RELCH: variants seen among roughly 807,000 people sequenced by gnomAD.
RELCH encodes the protein RAB11-binding protein RELCH.
A neutral mutation model predicts 150.3 loss-of-function variants in RELCH; 41 were observed. The ratio of observed to expected loss-of-function variants is 0.27; its 90% CI spans 0.21 to 0.35. The LOEUF (loss-of-function observed/expected upper bound fraction) is 0.35. Among genes scored for constraint, RELCH ranks in the 10% least tolerant of loss-of-function variants. The probability of loss-of-function intolerance (pLI) is 1.00; values close to 1 mark genes in which losing one functional copy is unlikely to be tolerated. For missense variants in RELCH, 1,092 were observed against 1,467.8 expected (o/e 0.74, Z 4.18); for synonymous variants, 478 against 531.8 (o/e 0.90, Z 1.39).
Position 62,231,256 on chromosome 18 carries a change from G to C in RELCH, c.1511G>C (p.Arg504Pro). 1 of 1,601,596 alleles carries C rather than the reference G, an allele frequency of 6.2e-7. No individual in the cohort carries two copies. The highest frequency in any genetic ancestry group is 8.5e-7 in the Non-Finnish European group (1 of 1,170,064). Reference sequence around the variant, plus strand: ...TTTTGTCGAATGTCAGCAGATAGTCGTTTAGGATACGAGGTAAATTATACC... The same window carrying C: ...TTTTGTCGAATGTCAGCAGATAGTCCTTTAGGATACGAGGTAAATTATACC... Reference protein sequence around the residue: ...LSFCRMSADSRLGYEVSRIAD... With the variant: ...LSFCRMSADSPLGYEVSRIAD... The change falls in exon 9 of 29, where the codon CGT becomes CCT. Residue 504 changes from arginine (R) to proline (P), a missense_variant. This residue lies in a region of RELCH where 707 missense variants were observed against 1,025.4 expected (regional missense o/e 0.69). Transcript: ENST00000644646.
intron 1 of RELCH, among the ~76,000 whole-genome samples, chr18:62,195,978 G>A (rs578039133): frequency 6.6e-6 from 1 of 152,146 alleles, no homozygotes; most frequent in African/African-American, 2.4e-5. Context: ...TTACAGGCGT[G>A]AGCCACCAAG....
At chr18:62,301,740 C>A (rs1180950488) in intron 28 of RELCH, among the ~76,000 whole-genome samples, 1 of 152,088 alleles carries the variant, frequency 6.6e-6, no homozygotes, top group East Asian at 1.9e-4. Context: ...GAACCAGACT[C>A]TAGTGAATAG....
At chr18:62,229,645 A>G (rs1406699150) in intron 8 of RELCH, among the ~76,000 whole-genome samples, 3 of 152,064 alleles carry the variant, frequency 2.0e-5, no homozygotes. Context: ...GTATAATAAA[A>G]TAAGTCCAAC....
At chr18:62,188,114 G>C in intron 1 of RELCH, 83 bp downstream of exon 1, 1 of 1,401,864 alleles carries the variant, frequency 7.1e-7, no homozygotes, top group South Asian at 1.5e-5. Flanking sequence ...GTATTTCTGC[G>C]TGGGTCCCGA....
At chr18:62,279,718 C>A in intron 22 of RELCH, 56 bp from the exon 23 acceptor site, 1 of 1,162,906 alleles carries the variant, frequency 8.6e-7, no homozygotes, top group Non-Finnish European at 1.2e-6. Flanking sequence ...CCGTGGCGCA[C>A]TGTGTTTGCT....
At position 62,275,437 on chromosome 18, in the gene RELCH, A is replaced by C; in HGVS notation, c.2931A>C (p.Ser977=). The change falls in exon 22 of 29, where the codon TCA becomes TCC. Residue 977 remains serine, a synonymous_variant. Coordinates refer to ENST00000644646, the MANE Select transcript of RELCH (RefSeq NM_001346231.2). The stretch of plus-strand genomic sequence containing the variant: ...TGTGGTATGGTGTTGTCCATACTTC[A>C]GCACTCGTGAGGTGTACTGCTGCTA... ...TVLWYGVVHT[S]ALVRCTAARM... 1 of 1,607,526 alleles carries C rather than the reference A, an allele frequency of 6.2e-7. No individual in the cohort carries two copies. Among genetic ancestry groups the C allele is most frequent in the Non-Finnish European group, 8.5e-7 (1 of 1,176,958 alleles).
Position 62,261,623 on chromosome 18 carries a change from A to G in RELCH, c.2315A>G (p.Lys772Arg). The change falls in exon 16 of 29, where the codon AAA (lysine) becomes AGA (arginine). Residue 772 changes from lysine (K) to arginine (R), a missense_variant. By Grantham distance (26) the Lys-to-Arg change is conservative. Transcript: ENST00000644646. The stretch of plus-strand genomic sequence containing the variant: ...CTACAGAATGCACCTTTCTCCAGCA[A>G]AGCCAAGCTTCATGGTGAAGTGCCA... ...LVLQNAPFSSKAKLHGEVPQI... is the reference protein window; with the variant it reads ...LVLQNAPFSSRAKLHGEVPQI... 1 of 1,611,474 alleles carries G rather than the reference A, an allele frequency of 6.2e-7. No homozygotes were observed.
chr18:62,246,107 A>G (rs1600059175), intron 11 of RELCH: 2 of 152,304 alleles, frequency 1.3e-5, no homozygotes, highest in Admixed American at 1.3e-4. Flanking sequence ...ATATGTTCTC[A>G]GTGATATTTT....
At chr18:62,191,158 C>A (rs775273516) in intron 1 of RELCH, among the ~76,000 whole-genome samples, 1 of 152,096 alleles carries the variant, frequency 6.6e-6, no homozygotes, top group African/African-American at 2.4e-5. Context: ...CTCCCATTTA[C>A]GTCTTTATGA....
At chr18:62,247,363 A>G (rs548262819) in intron 11 of RELCH, 5 of 152,326 alleles carry the variant, frequency 3.3e-5, no homozygotes, top group Non-Finnish European at 5.9e-5. Context: ...ATTCCTGGCT[A>G]TTATAAACAG....
chr18:62,284,504 G>A (rs2044690584), intron 25 of RELCH: 1 of 152,080 alleles, frequency 6.6e-6, no homozygotes, highest in African/African-American at 2.4e-5. Context: ...ATAAAAATTA[G>A]CCTTTTTTTC....
intron 27 of RELCH, among the ~76,000 whole-genome samples, chr18:62,294,722 A>G (rs1028923508): frequency 6.6e-6 from 1 of 152,146 alleles, no homozygotes; most frequent in Non-Finnish European, 1.5e-5. Context: ...ATTATTTCCT[A>G]TACTTCTGAA....
intron 26 of RELCH, among the ~76,000 whole-genome samples, chr18:62,290,916 C>T (rs762561832): frequency 2.6e-5 from 4 of 151,906 alleles, no homozygotes; most frequent in African/African-American, 7.3e-5. Flanking sequence ...TTTCTTTTAC[C>T]GGTCTTTTGA....
intron 25 of RELCH, among the ~76,000 whole-genome samples, chr18:62,283,678 T>C (rs879279352): frequency 1.2e-4 from 18 of 152,202 alleles, no homozygotes; most frequent in South Asian, 4.1e-4. Flanking sequence ...ATTAGCCAAC[T>C]AACAGAAGAA....
In RELCH at chr18:62,187,759, C is replaced by T. The variant is rs1568279226; in HGVS notation, c.254C>T (p.Thr85Ile). 3 of 1,611,290 alleles carry T rather than the reference C, an allele frequency of 1.9e-6. No individual in the cohort carries two copies. The highest frequency in any genetic ancestry group is 2.5e-6 in the Non-Finnish European group (3 of 1,178,690). The change falls in exon 1 of 29, where the codon ACC (threonine) becomes ATC (isoleucine). Residue 85 changes from threonine (T) to isoleucine (I), a missense_variant. Coordinates refer to ENST00000644646, the MANE Select transcript of RELCH (RefSeq NM_001346231.2). Reference sequence around the variant, plus strand: ...GCGGCTGCAGTGGCCCTGGGGGGCACCGGGGAGACCCCGGCCCGATTATCA... The same window carrying T: ...GCGGCTGCAGTGGCCCTGGGGGGCATCGGGGAGACCCCGGCCCGATTATCA... ...ASAAAVALGG[T>I]GETPARLSID...
intron 20 of RELCH, among the ~76,000 whole-genome samples, chr18:62,271,570 G>T (rs938940952): frequency 6.6e-6 from 1 of 152,222 alleles, no homozygotes; most frequent in African/African-American, 2.4e-5. Context: ...TTCTTTTGCT[G>T]TGCAGAAGCT....
intron 11 of RELCH, among the ~76,000 whole-genome samples, chr18:62,252,431 G>T (rs552043098): frequency 2.0e-3 from 311 of 152,028 alleles, no homozygotes; most frequent in African/African-American, 7.1e-3. Context: ...AGGTGGGAGG[G>T]CTGCTTGAGC....
At chr18:62,239,525 T>C (rs1332158211) in intron 10 of RELCH, among the ~76,000 whole-genome samples, 2 of 152,104 alleles carry the variant, frequency 1.3e-5, no homozygotes, top group African/African-American at 4.8e-5. Context: ...GTGCTAGTTA[T>C]CAAACTTTTA....
intron 1 of RELCH, among the ~76,000 whole-genome samples, chr18:62,192,820 T>G (rs993480351): frequency 2.0e-5 from 3 of 152,202 alleles, no homozygotes. Flanking sequence ...GGTAGCATGA[T>G]GTCTCCAGCT....
Sources: gnomAD v4.1 joint callset for allele counts (sites outside exome capture counted in the v4.1 genomes callset) on GRCh38, gnomAD v4.1.1 for gene constraint, gnomAD v4.1.1 regional missense constraint, MANE v1.5 for transcripts, NCBI Gene and HGNC (gene_info 2026-07-23, HGNC 2026-07-21) for gene names.